The following JUND variants were observed in gnomAD, a reference collection of about 807,000 sequenced individuals.
JUND encodes JunD proto-oncogene, AP-1 transcription factor subunit.
A neutral mutation model predicts 7.1 loss-of-function variants in JUND; 2 were observed. That is an observed-to-expected ratio of 0.28 (90% CI 0.11 to 0.88). JUND has a LOEUF of 0.88. Among genes scored for constraint, JUND ranks in the 40% least tolerant of loss-of-function variants. JUND has a pLI of 0.60. For missense variants in JUND, 479 were observed against 519.1 expected (o/e 0.92, Z 0.75); for synonymous variants, 335 against 263.2 (o/e 1.27, Z -2.64).
chr19:18,280,333 G>GA lies in JUND; in HGVS notation c.*107_*108insT, dbSNP rs1969918674. 8.6e-7 allele frequency: 1 copy of GA among 1,158,968 alleles called. No homozygotes were observed. The highest frequency in any genetic ancestry group is 3.7e-5 in the Admixed American group (1 of 27,072). 71.8% of individuals were successfully genotyped at this position (1,158,968 alleles called of 1,614,324 possible). ...CTGAGTTCCTGGGCACACTCGGGGA[G>GA]GGGGGGTCCCCAGGGCCGCACCCTC... On this transcript the variant is annotated 3_prime_UTR_variant, in exon 1 of 1. Transcript: ENST00000252818. This position sits in a 1 kb window ranked among gnomAD's most constrained non-coding sequence, Gnocchi z 4.1.
Position 18,281,077 on chromosome 19 carries a change from G to T in JUND, c.408C>A (p.Phe136Leu). ...PKVAASEEQE[F>L]AEGFVKALED... ...CCAGGGCCTTGACGAAGCCCTCGGC[G>T]AACTCCTGCTCCTCGCTGGCCGCCA... The change falls in exon 1 of 1, where the codon TTC becomes TTA. Residue 136 changes from phenylalanine (F) to leucine (L), a missense_variant. Physicochemically the swap from Phe to Leu is conservative, Grantham distance 22. Coordinates refer to ENST00000252818, the MANE Select transcript of JUND (RefSeq NM_005354.6). 6.4e-7 allele frequency: 1 copy of T among 1,573,994 alleles called. No individual in the cohort carries two copies. The highest frequency in any genetic ancestry group is 1.1e-5 in the South Asian group (1 of 87,448).
In JUND at chr19:18,281,519, A is replaced by AGTGGCCGCGGCCTCCCGGG. The variant is rs1156679013; in HGVS notation, c.-54_-36dup. 8.6e-7 allele frequency: 1 copy of AGTGGCCGCGGCCTCCCGGG among 1,163,614 alleles called. No homozygotes were observed. The highest frequency in any genetic ancestry group is 3.7e-5 in the East Asian group (1 of 27,278). 72.1% of individuals were successfully genotyped at this position (1,163,614 alleles called of 1,614,324 possible). The stretch of plus-strand genomic sequence containing the variant: ...CCCCCGCCGCGCCGGCCCGGGGGGG[A>AGTGGCCGCGGCCTCCCGGG]GTGGCCGCGGCCTCCCGGGGGGCCC... On this transcript the variant is annotated 5_prime_UTR_variant, in exon 1 of 1. Transcript: ENST00000252818.
Position 18,280,465 on chromosome 19 carries a change from G to A in JUND, c.1020C>T (p.Pro340=). Residue 340 remains proline (P), a synonymous_variant, in exon 1 of 1, where the codon CCC becomes CCT. Transcript: ENST00000252818. This position sits in a 1 kb window ranked among gnomAD's most constrained non-coding sequence, Gnocchi z 4.1. ...CTCAGTACGCGGGCACCTGGTGCTG[G>A]GGCAGCAGCTGGCAGCCGCTGTTGA... ...SHVNSGCQLL[P]QHQVPAY is the part of the protein sequence containing the mutation. The A allele has an allele frequency of 1.3e-6, 2 of 1,567,290 alleles. No homozygotes were observed.
chr19:18,280,084 G>A lies in JUND; in HGVS notation c.*357C>T, dbSNP rs1409400012. ...AAAAAAAAAGTAAAAGTAAAGGAAAGGCAGGGTTTGAGGCTGCGCCCCCTC... is the reference window on the plus strand; with the variant it reads ...AAAAAAAAAGTAAAAGTAAAGGAAAAGCAGGGTTTGAGGCTGCGCCCCCTC... On this transcript the variant is annotated 3_prime_UTR_variant, in exon 1 of 1. Transcript: ENST00000252818. This position sits in a 1 kb window ranked among gnomAD's most constrained non-coding sequence, Gnocchi z 4.1. The A allele has an allele frequency of 1.1e-5, 3 of 271,880 alleles. No homozygotes were observed. The highest frequency in any genetic ancestry group is 1.3e-4 in the East Asian group (1 of 7,506). 16.8% of individuals were successfully genotyped at this position (271,880 alleles called of 1,614,324 possible).
Position 18,280,385 on chromosome 19 carries a change from C to G in JUND, c.*56G>C. On this transcript the variant is annotated 3_prime_UTR_variant, in exon 1 of 1. Transcript: ENST00000252818. This position sits in a 1 kb window ranked among gnomAD's most constrained non-coding sequence, Gnocchi z 4.1. Reference sequence around the variant, plus strand: ...CCAAGTCCGGGGCGCCCACGACACCCCCCCGCGAGCCCGCCCCTTGGGGAG... The same window carrying G: ...CCAAGTCCGGGGCGCCCACGACACCGCCCCGCGAGCCCGCCCCTTGGGGAG... The G allele has an allele frequency of 6.6e-7, 1 of 1,519,612 alleles. No homozygotes were observed. 94.1% of individuals were successfully genotyped at this position (1,519,612 alleles called of 1,614,324 possible). A position where few individuals can be genotyped will look rare whatever the true frequency, so the allele number is the denominator to read the frequency against.
rs1343933401 is a variant in JUND, at chr19:18,280,515, G to A, written c.970C>T (p.Leu324Phe). The A allele has an allele frequency of 6.2e-7, 1 of 1,607,412 alleles. No individual in the cohort carries two copies. Among genetic ancestry groups the A allele is most frequent in the Non-Finnish European group, 8.5e-7 (1 of 1,177,430 alleles). Residue 324 changes from leucine to phenylalanine, a missense_variant, in exon 1 of 1, where the codon CTC becomes TTC. Physicochemically the swap from Leu to Phe is conservative, Grantham distance 22 (BLOSUM62 0). Transcript: ENST00000252818. This position sits in a 1 kb window ranked among gnomAD's most constrained non-coding sequence, Gnocchi z 4.1. ...ASLLREQVAQ[L>F]KQKVLSHVNS... ...ACGTGGCTGAGGACTTTCTGCTTGA[G>A]CTGCGCCACCTGCTCGCGCAGCAGG... is the stretch of plus-strand genomic sequence containing the variant.
chr19:18,280,861 C>G lies in JUND; in HGVS notation c.624G>C (p.Gly208=), dbSNP rs1343768651. Residue 208 remains glycine, a synonymous_variant, in exon 1 of 1, where the codon GGG becomes GGC. Transcript: ENST00000252818. This position sits in a 1 kb window ranked among gnomAD's most constrained non-coding sequence, Gnocchi z 4.1. ...CAGCGAAGGCGACCGTCGCGGCGCC[C>G]CCCGCGCCCCCGGCGCCGCCCGCGT... ...SSYAGGAGGA[G]GAATVAFAAE... 1 of 1,310,638 alleles carries G rather than the reference C, an allele frequency of 7.6e-7. No individual in the cohort carries two copies. The highest frequency in any genetic ancestry group is 9.6e-7 in the Non-Finnish European group (1 of 1,040,892). The allele number at this position is 1,310,638 out of a possible 1,614,324, so 81.2% of individuals were successfully genotyped here.
At position 18,280,985 on chromosome 19, in the gene JUND, CCGGCGGCGG is replaced by C. The variant is rs529130306; in HGVS notation, c.491_499del (p.Ala164_Ala166del). The C allele has an allele frequency of 4.1e-5, 47 of 1,142,710 alleles. No individual in the cohort carries two copies. The highest frequency in any genetic ancestry group is 2.8e-4 in the African/African-American group (17 of 59,658). 70.8% of individuals were successfully genotyped at this position (1,142,710 alleles called of 1,614,324 possible). On this transcript the variant is annotated inframe_deletion, in exon 1 of 1. Transcript: ENST00000252818. The surrounding 1 kb of genome is among the most constrained non-coding windows in gnomAD (Gnocchi z 4.1). ...GCCCGTGGCCGTGCCCGAGGGCCCCCCGGCGGCGGCGGCGGCGGCGGCAGCGGCCGCGCC... is the reference window on the plus strand; with the variant it reads ...GCCCGTGGCCGTGCCCGAGGGCCCCCCGGCGGCGGCGGCAGCGGCCGCGCC...
chr19:18,281,346 T>C lies in JUND; in HGVS notation c.139A>G (p.Lys47Glu). ...CTCAGGCTCAGCGTCAGCGCGTCCT[T>C]CTTCATCATGCTGCCGGCCGCGGCC... ...PTAAAGSMMKKDALTLSLSEQ... is the reference protein window; with the variant it reads ...PTAAAGSMMKEDALTLSLSEQ... Residue 47 changes from lysine to glutamate, a missense_variant, in exon 1 of 1, where the codon AAG (lysine) becomes GAG (glutamate). Coordinates refer to ENST00000252818, the MANE Select transcript of JUND (RefSeq NM_005354.6). The C allele has an allele frequency of 7.4e-7, 1 of 1,348,136 alleles. No individual in the cohort carries two copies. The highest frequency in any genetic ancestry group is 9.4e-7 in the Non-Finnish European group (1 of 1,059,524). The allele number at this position is 1,348,136 out of a possible 1,614,324, so 83.5% of individuals were successfully genotyped here. A position where few individuals can be genotyped will look rare whatever the true frequency, so the allele number is the denominator to read the frequency against.
chr19:18,281,551 C>A lies in JUND; in HGVS notation c.-67G>T. 1.3e-6 allele frequency: 1 copy of A among 780,404 alleles called. No individual in the cohort carries two copies. Among genetic ancestry groups the A allele is most frequent in the Non-Finnish European group, 1.6e-6 (1 of 620,710 alleles). The allele number at this position is 780,404 out of a possible 1,614,324, so 48.3% of individuals were successfully genotyped here. A position where few individuals can be genotyped will look rare whatever the true frequency, so the allele number is the denominator to read the frequency against. On this transcript the variant is annotated 5_prime_UTR_variant, in exon 1 of 1. Transcript: ENST00000252818. ...GCGGCCTCCCGGGGGGCCCGCGCCCCCCCGTCCGCTCGGCCCTGCGCCCGC... is the reference window on the plus strand; with the variant it reads ...GCGGCCTCCCGGGGGGCCCGCGCCCACCCGTCCGCTCGGCCCTGCGCCCGC...
rs778041583 is a variant in JUND, at chr19:18,280,702, G to A, written c.783C>T (p.Ile261=). The stretch of plus-strand genomic sequence containing the variant: ...TGATGCGCTCCTGCGTGTCCATGTC[G>A]ATGGGCGACAACGGCGGGCTCTCGC... ...SFGESPPLSP[I]DMDTQERIKA... is the part of the protein sequence containing the mutation. The change falls in exon 1 of 1, where the codon ATC becomes ATT. Residue 261 remains isoleucine, a synonymous_variant. Transcript: ENST00000252818. This position sits in a 1 kb window ranked among gnomAD's most constrained non-coding sequence, Gnocchi z 4.1. 6.2e-7 allele frequency: 1 copy of A among 1,612,198 alleles called. No individual in the cohort carries two copies. Among genetic ancestry groups the A allele is most frequent in the Non-Finnish European group, 8.5e-7 (1 of 1,179,730 alleles).
chr19:18,280,576 G>A lies in JUND; in HGVS notation c.909C>T (p.Leu303=), dbSNP rs760807147. ...ISRLEEKVKT[L]KSQNTELAST... is the part of the protein sequence containing the mutation. ...ACGCCAGCTCCGTGTTCTGACTCTT[G>A]AGGGTCTTCACTTTCTCTTCCAGGC... The change falls in exon 1 of 1, where the codon CTC becomes CTT. Residue 303 remains leucine (L), a synonymous_variant. Transcript: ENST00000252818. The surrounding 1 kb of genome is among the most constrained non-coding windows in gnomAD (Gnocchi z 4.1). 1.1e-5 allele frequency: 17 copies of A among 1,612,878 alleles called. No individual in the cohort carries two copies. Among genetic ancestry groups the A allele is most frequent in the Middle Eastern group, 1.6e-4 (1 of 6,084 alleles).
rs1284743855 is a variant in JUND, at chr19:18,280,411, G to A, written c.*30C>T. 1.2e-5 allele frequency: 19 copies of A among 1,538,588 alleles called. No homozygotes were observed. The highest frequency in any genetic ancestry group is 1.2e-4 in the Admixed American group (6 of 50,346). On this transcript the variant is annotated 3_prime_UTR_variant, in exon 1 of 1. Coordinates refer to ENST00000252818, the MANE Select transcript of JUND (RefSeq NM_005354.6). The surrounding 1 kb of genome is among the most constrained non-coding windows in gnomAD (Gnocchi z 4.1). Reference sequence around the variant, plus strand: ...CCCCGCGAGCCCGCCCCTTGGGGAGGGTGGCCGCGCATGCGCCCCGCGCGC... The same window carrying A: ...CCCCGCGAGCCCGCCCCTTGGGGAGAGTGGCCGCGCATGCGCCCCGCGCGC...
chr19:18,281,149 C>G lies in JUND; in HGVS notation c.336G>C (p.Gly112=). 1.3e-6 allele frequency: 2 copies of G among 1,573,694 alleles called. No homozygotes were observed. The highest frequency in any genetic ancestry group is 1.1e-5 in the South Asian group (1 of 87,120). ...ELERLIIQSN[G]LVTTTPTSSQ... is the part of the protein sequence containing the mutation. ...AGCTCGTCGGCGTGGTGGTGACCAG[C>G]CCGTTGGACTGGATGATGAGGCGCT... The change falls in exon 1 of 1, where the codon GGG becomes GGC. Residue 112 remains glycine (G), a synonymous_variant. Transcript: ENST00000252818.
Position 18,280,778 on chromosome 19 carries a change from A to C in JUND, c.707T>G (p.Leu236Arg). 6.3e-7 allele frequency: 1 copy of C among 1,592,054 alleles called. No individual in the cohort carries two copies. The highest frequency in any genetic ancestry group is 8.5e-7 in the Non-Finnish European group (1 of 1,175,764). The stretch of plus-strand genomic sequence containing the variant: ...CTGTGGCTCGTCCTTGAGCGCAGCC[A>C]GGCGCGGCGGCCCCAACGCGCCTGG... ...PPPGALGPPRLAALKDEPQTV... is the reference protein window; with the variant it reads ...PPPGALGPPRRAALKDEPQTV... The change falls in exon 1 of 1, where the codon CTG becomes CGG. Residue 236 changes from leucine (L) to arginine (R), a missense_variant. By Grantham distance (102) the Leu-to-Arg change is moderately radical. Coordinates refer to ENST00000252818, the MANE Select transcript of JUND (RefSeq NM_005354.6). The surrounding 1 kb of genome is among the most constrained non-coding windows in gnomAD (Gnocchi z 4.1).
chr19:18,281,379 G>A lies in JUND; in HGVS notation c.106C>T (p.Pro36Ser), dbSNP rs1392051019. 1.5e-6 allele frequency: 2 copies of A among 1,345,372 alleles called. No individual in the cohort carries two copies. The highest frequency in any genetic ancestry group is 4.1e-5 in the Admixed American group (1 of 24,342). 83.3% of individuals were successfully genotyped at this position (1,345,372 alleles called of 1,614,324 possible). The change falls in exon 1 of 1, where the codon CCC (proline) becomes TCC (serine). Residue 36 changes from proline (P) to serine (S), a missense_variant. Coordinates refer to ENST00000252818, the MANE Select transcript of JUND (RefSeq NM_005354.6). ...ASPGRLFPGAPPTAAAGSMMK... is the reference protein window; with the variant it reads ...ASPGRLFPGASPTAAAGSMMK... Reference sequence around the variant, plus strand: ...ATGCTGCCGGCCGCGGCCGTCGGGGGCGCCCCGGGGAACAAGCGGCCCGGG... The same window carrying A: ...ATGCTGCCGGCCGCGGCCGTCGGGGACGCCCCGGGGAACAAGCGGCCCGGG...
Position 18,280,386 on chromosome 19 carries a change from C to T in JUND, c.*55G>A. The T allele has an allele frequency of 4.6e-6, 7 of 1,520,772 alleles. No individual in the cohort carries two copies. The South Asian group carries it at 4.9e-5, about 11-fold the overall frequency. The allele number at this position is 1,520,772 out of a possible 1,614,324, so 94.2% of individuals were successfully genotyped here. On this transcript the variant is annotated 3_prime_UTR_variant, in exon 1 of 1. Coordinates refer to ENST00000252818, the MANE Select transcript of JUND (RefSeq NM_005354.6). The surrounding 1 kb of genome is among the most constrained non-coding windows in gnomAD (Gnocchi z 4.1). ...CAAGTCCGGGGCGCCCACGACACCC[C>T]CCCGCGAGCCCGCCCCTTGGGGAGG...
rs763020234 is a variant in JUND at position 18,280,751 on chromosome 19, G to A, written c.734C>T (p.Thr245Met). The A allele has an allele frequency of 2.5e-6, 4 of 1,605,888 alleles. No homozygotes were observed. Among genetic ancestry groups the A allele is most frequent in the Non-Finnish European group, 3.4e-6 (4 of 1,179,260 alleles). ...GCCGAAGCTCGGCACGTCGGGCACC[G>A]TCTGTGGCTCGTCCTTGAGCGCAGC... ...RLAALKDEPQ[T>M]VPDVPSFGES... is the part of the protein sequence containing the mutation. Residue 245 changes from threonine to methionine, a missense_variant, in exon 1 of 1, where the codon ACG becomes ATG. Physicochemically the swap from Thr to Met is moderately conservative, Grantham distance 81. Around this residue, in one of 3 missense-constraint regions of JUND, gnomAD observed 63 missense variants for 116.6 expected, o/e 0.54. Transcript: ENST00000252818. The surrounding 1 kb of genome is among the most constrained non-coding windows in gnomAD (Gnocchi z 4.1).
In JUND at chr19:18,281,587, G is replaced by A. The variant is rs976504354; in HGVS notation, c.-103C>T. On this transcript the variant is annotated 5_prime_UTR_variant, in exon 1 of 1. Transcript: ENST00000252818. Reference sequence around the variant, plus strand: ...CGGCCCTGCGCCCGCCCCGGCCGCGGCCGCAGCGCCCGGCCCTCCACTGGC... The same window carrying A: ...CGGCCCTGCGCCCGCCCCGGCCGCGACCGCAGCGCCCGGCCCTCCACTGGC... The A allele has an allele frequency of 1.0e-4, 29 of 291,098 alleles. No homozygotes were observed. Among genetic ancestry groups the A allele is most frequent in the African/African-American group, 2.1e-4 (9 of 43,432 alleles). The allele number at this position is 291,098 out of a possible 1,614,324, so 18.0% of individuals were successfully genotyped here. A position where few individuals can be genotyped will look rare whatever the true frequency, so the allele number is the denominator to read the frequency against.
Sources: gnomAD v4.1 joint callset for allele counts on GRCh38, gnomAD v4.1.1 for gene constraint, gnomAD v4.1.1 regional missense constraint, Gnocchi (gnomAD v3.1) non-coding constraint, MANE v1.5 for transcripts, NCBI Gene and HGNC (gene_info 2026-07-23, HGNC 2026-07-21) for gene names.